The following GRID2 variants were observed in gnomAD, a reference collection of about 807,000 sequenced individuals.
The protein encoded by GRID2 is glutamate ionotropic receptor delta type subunit 2.
A neutral mutation model predicts 114.8 loss-of-function variants in GRID2; 33 were observed. The observed-to-expected ratio is 0.29, with a 90% CI of 0.22 to 0.38. The LOEUF (loss-of-function observed/expected upper bound fraction) is 0.38. Among genes scored for constraint, GRID2 ranks in the 10% least tolerant of loss-of-function variants. GRID2 has a pLI of 1.00. For missense variants in GRID2, 1,184 were observed against 1,257.7 expected, an observed-to-expected ratio of 0.94 and a Z score of 0.89; for synonymous variants, 505 against 449.9, an observed-to-expected ratio of 1.12 and a Z score of -1.55.
Position 92,575,753 on chromosome 4 carries a change from A to G in GRID2, c.89-14378A>G, listed in dbSNP as rs1481798164. On this transcript the variant is annotated intron_variant, in intron 1 of 15. Coordinates refer to ENST00000282020, the MANE Select transcript of GRID2 (RefSeq NM_001510.4). ...TCCTTGGGCAACTCTTCAGCTCCCA[A>G]TCCTTTAGGGCTCTCGAAGGCCCAC... 3.3e-5 allele frequency among the ~76,000 whole-genome samples: 5 copies of G among 152,106 alleles called. No individual in the cohort carries two copies. In the South Asian group the frequency reaches 6.2e-4, roughly 19 times the overall value.
intron 1 of GRID2, among the ~76,000 whole-genome samples, chr4:92,555,632 C>T (rs574985924): frequency 2.0e-5 from 3 of 151,996 alleles, no homozygotes; most frequent in East Asian, 1.9e-4. Context: ...GGCATGTTCT[C>T]GAGGCTTTTT....
chr4:93,737,134 A>G (rs1037402029), intron 14 of GRID2, among the ~76,000 whole-genome samples: 6 of 152,202 alleles, frequency 3.9e-5, no homozygotes, highest in African/African-American at 1.4e-4. Context: ...GAATTTACAT[A>G]TGATGCCATA....
At chr4:92,949,949 A>G (rs1751909214) in intron 2 of GRID2, among the ~76,000 whole-genome samples, 1 of 152,038 alleles carries the variant, frequency 6.6e-6, no homozygotes, top group Non-Finnish European at 1.5e-5. Context: ...CAGCTAACCC[A>G]TTTGTCTTTA....
At chr4:92,614,240 G>A (rs1010830405) in intron 2 of GRID2, among the ~76,000 whole-genome samples, 1 of 151,444 alleles carries the variant, frequency 6.6e-6, no homozygotes, top group Non-Finnish European at 1.5e-5. Context: ...ATGCTTCCAT[G>A]AGACCAGTTT....
intron 2 of GRID2, among the ~76,000 whole-genome samples, chr4:92,997,377 C>T (rs1229691237): frequency 6.6e-6 from 1 of 152,124 alleles, no homozygotes; most frequent in African/African-American, 2.4e-5. Context: ...CTGTGTAACC[C>T]TATGTGATAA....
chr4:92,888,417 C>G (rs1746522087), intron 2 of GRID2, among the ~76,000 whole-genome samples: 1 of 152,004 alleles, frequency 6.6e-6, no homozygotes, highest in Non-Finnish European at 1.5e-5. Flanking sequence ...TCAACCAAGC[C>G]TGGGGTTTAA....
intron 2 of GRID2, among the ~76,000 whole-genome samples, chr4:93,054,131 A>C (rs1189879191): frequency 6.6e-6 from 1 of 151,950 alleles, no homozygotes; most frequent in Non-Finnish European, 1.5e-5. Flanking sequence ...GTTACCTGAA[A>C]GAGGCAGATG....
At chr4:92,967,857 C>T (rs370053770) in intron 2 of GRID2, among the ~76,000 whole-genome samples, 24 of 151,984 alleles carry the variant, frequency 1.6e-4, no homozygotes, top group African/African-American at 5.5e-4. Context: ...TTGAAATCTT[C>T]ACTGGCCCTC....
chr4:92,320,344 A>G (rs1185687634), intron 1 of GRID2, among the ~76,000 whole-genome samples: 2 of 152,198 alleles, frequency 1.3e-5, no homozygotes, highest in African/African-American at 4.8e-5. Context: ...TTAAAATGTG[A>G]ACCATTTAAA....
At chr4:92,723,823 C>T (rs1462316816) in intron 2 of GRID2, among the ~76,000 whole-genome samples, 2 of 152,146 alleles carry the variant, frequency 1.3e-5, no homozygotes, top group Non-Finnish European at 2.9e-5. Flanking sequence ...GGCCTCATGC[C>T]TCTCACATTA....
At position 92,500,383 on chromosome 4, in the gene GRID2, C is replaced by T. The variant is rs561957514; in HGVS notation, c.89-89748C>T. Among the ~76,000 whole-genome samples the T allele has an allele frequency of 7.7e-3, 1,171 of 151,528 alleles. 11 individuals are homozygous for T. Among genetic ancestry groups the T allele is most frequent in the African/African-American group, 0.026 (1,070 of 41,344 alleles). On this transcript the variant is annotated intron_variant, in intron 1 of 15. Transcript: ENST00000282020. ...TCAGTCTATCTACAAAAGTTAAATT[C>T]TTTTAAAAAAAAACATATTTTTATT...
chr4:93,078,849 A>C (rs1729602561), intron 2 of GRID2, among the ~76,000 whole-genome samples: 1 of 146,668 alleles, frequency 6.8e-6, no homozygotes, highest in South Asian at 2.1e-4. Flanking sequence ...ATATTTACTA[A>C]TTTTTGTAAT....
intron 2 of GRID2, among the ~76,000 whole-genome samples, chr4:92,724,780 G>A (rs1735986303): frequency 2.0e-5 from 3 of 152,056 alleles, no homozygotes; most frequent in South Asian, 2.1e-4. Flanking sequence ...TAATATGCAC[G>A]AAGTATTTAG....
chr4:93,549,127 C>T (rs999605145), intron 13 of GRID2, among the ~76,000 whole-genome samples: 1 of 152,050 alleles, frequency 6.6e-6, no homozygotes, highest in African/African-American at 2.4e-5. Context: ...TTTTCTCTCT[C>T]GATCAAATAC....
chr4:92,413,336 T>TA (rs1291570739), intron 1 of GRID2, among the ~76,000 whole-genome samples: 2 of 152,138 alleles, frequency 1.3e-5, no homozygotes, highest in Non-Finnish European at 2.9e-5. Context: ...TAGTTTTTTT[T>TA]AAAAATGATC....
intron 1 of GRID2, among the ~76,000 whole-genome samples, chr4:92,344,274 A>T (rs1467586606): frequency 6.6e-6 from 1 of 152,166 alleles, no homozygotes; most frequent in Non-Finnish European, 1.5e-5. Context: ...TTTCAATAGA[A>T]ATGTGTTATT....
At chr4:93,374,206 C>T (rs1763176777) in intron 8 of GRID2, among the ~76,000 whole-genome samples, 1 of 152,054 alleles carries the variant, frequency 6.6e-6, no homozygotes. Flanking sequence ...CTAAAAAAGG[C>T]AATAATATGT....
chr4:93,294,461 A>AGTGT, intron 8 of GRID2, among the ~76,000 whole-genome samples: 1 of 151,724 alleles, frequency 6.6e-6, no homozygotes, highest in African/African-American at 2.4e-5. Context: ...AGAGAGAGAG[A>AGTGT]GTGTGTGTGT....
At chr4:93,491,979 G>A (rs1260201714) in intron 12 of GRID2, among the ~76,000 whole-genome samples, 2 of 151,798 alleles carry the variant, frequency 1.3e-5, no homozygotes, top group Admixed American at 6.6e-5. Flanking sequence ...TGCTGCTCAA[G>A]TTGTTTTCCA....
Sources: allele counts gnomAD v4.1 joint callset (sites outside exome capture counted in the v4.1 genomes callset), GRCh38; gene constraint gnomAD v4.1.1; transcripts MANE v1.5; gene names NCBI Gene and HGNC (gene_info 2026-07-23, HGNC 2026-07-21).